The following CAMK2D variants were observed in gnomAD, a reference collection of about 807,000 sequenced individuals.
CAMK2D encodes the protein calcium/calmodulin-dependent protein kinase type II subunit delta.
Under a neutral mutation model 84.0 loss-of-function variants are expected in CAMK2D, and 37 were observed. That is an observed-to-expected ratio of 0.44 (90% CI 0.34 to 0.58). The LOEUF is 0.58. Ranked by LOEUF, CAMK2D falls within the 20% of genes least tolerant of loss-of-function variation. The pLI, the probability that CAMK2D is intolerant of heterozygous loss-of-function variation, is 0.02. For synonymous variants in CAMK2D, 202 were observed against 212.5 expected (o/e 0.95, Z 0.43); for missense variants, 448 against 652.5 (o/e 0.69, Z 3.41).
rs778353750 is a variant in CAMK2D at position 113,552,023 on chromosome 4, T to A, written c.341+8A>T. On this transcript the variant is annotated splice_region_variant and intron_variant, in intron 5 of 20. Transcript: ENST00000511664. Reference sequence around the variant, plus strand: ...AGTCTTGTATCTTGCCCAGGGCAAGTCACTTACCTGGCATCAGCTTCACTG... The same window carrying A: ...AGTCTTGTATCTTGCCCAGGGCAAGACACTTACCTGGCATCAGCTTCACTG... 11 of 1,490,744 alleles carry A rather than the reference T, an allele frequency of 7.4e-6. No individual in the cohort carries two copies. The highest frequency in any genetic ancestry group is 1.4e-5 in the African/African-American group (1 of 71,882). 92.3% of individuals were successfully genotyped at this position (1,490,744 alleles called of 1,614,324 possible). A position where few individuals can be genotyped will look rare whatever the true frequency, so the allele number is the denominator to read the frequency against.
intron 8 of CAMK2D, among the ~76,000 whole-genome samples, chr4:113,530,480 A>G (rs988825904): frequency 9.9e-5 from 15 of 152,168 alleles, no homozygotes; most frequent in Admixed American, 7.9e-4. Context: ...AGGGATGTTC[A>G]ACTTGTATTT....
chr4:113,540,060 A>C (rs896895167), intron 6 of CAMK2D, among the ~76,000 whole-genome samples: 1 of 152,148 alleles, frequency 6.6e-6, no homozygotes. Context: ...ATTAGTTTGA[A>C]TAATCCTCCT....
At position 113,580,984 on chromosome 4, in the gene CAMK2D, T is replaced by C. The variant is rs149204159; in HGVS notation, c.275+28168A>G. On this transcript the variant is annotated intron_variant, in intron 4 of 20. Transcript: ENST00000511664. ...CATGCTGGGCTTAATACCTAGGTGA[T>C]GGGTTGATAGGTGCAGCAAACCACT... 3.8e-3 allele frequency among the ~76,000 whole-genome samples: 585 copies of C among 151,988 alleles called. 1 individual carries two copies. Among genetic ancestry groups the C allele is most frequent in the African/African-American group, 0.013 (551 of 41,498 alleles).
chr4:113,629,975 G>C (rs1391710816), intron 3 of CAMK2D, among the ~76,000 whole-genome samples: 1 of 151,476 alleles, frequency 6.6e-6, no homozygotes, highest in Non-Finnish European at 1.5e-5. Flanking sequence ...ATTTAATTTA[G>C]CAGTATGATG....
intron 2 of CAMK2D, among the ~76,000 whole-genome samples, chr4:113,678,345 G>A (rs905378691): frequency 2.0e-5 from 3 of 152,036 alleles, no homozygotes; most frequent in Admixed American, 6.6e-5. Flanking sequence ...TGAAATCATC[G>A]TTCCCTAGGA....
At chr4:113,758,000 C>G (rs941516323) in intron 2 of CAMK2D, among the ~76,000 whole-genome samples, 5 of 152,118 alleles carry the variant, frequency 3.3e-5, no homozygotes, top group African/African-American at 1.2e-4. Flanking sequence ...ATGATACCCC[C>G]ACCACAGCCA....
chr4:113,475,498 T>C (rs2097597548), intron 16 of CAMK2D, among the ~76,000 whole-genome samples: 2 of 152,194 alleles, frequency 1.3e-5, no homozygotes, highest in Non-Finnish European at 2.9e-5. Context: ...AAAGGTATCT[T>C]CCCCCCATCT....
Position 113,453,720 on chromosome 4 carries a change from A to G in CAMK2D, c.*825T>C, listed in dbSNP as rs1329793683. On this transcript the variant is annotated 3_prime_UTR_variant, in exon 21 of 21. Transcript: ENST00000511664. ...AAAAGGAAAAGGGAAAAAAGTAAGA[A>G]AAGAATGGAACAAAAGAAAAATAAG... The G allele has an allele frequency of 6.6e-6, 1 of 152,530 alleles. No homozygotes were observed. The highest frequency in any genetic ancestry group is 1.5e-5 in the Non-Finnish European group (1 of 68,036). 9.4% of individuals were successfully genotyped at this position (152,530 alleles called of 1,614,324 possible).
intron 2 of CAMK2D, among the ~76,000 whole-genome samples, chr4:113,734,128 T>G (rs934207537): frequency 6.6e-6 from 1 of 152,176 alleles, no homozygotes; most frequent in Non-Finnish European, 1.5e-5. Flanking sequence ...GTAGTTGATG[T>G]GTTTTAGCTT....
intron 16 of CAMK2D, among the ~76,000 whole-genome samples, chr4:113,489,177 T>C (rs1169542764): frequency 1.3e-5 from 2 of 151,962 alleles, no homozygotes; most frequent in South Asian, 2.1e-4. Flanking sequence ...TTAGGGTACA[T>C]GTGCACATCG....
intron 16 of CAMK2D, among the ~76,000 whole-genome samples, chr4:113,479,080 T>C (rs1428496550): frequency 6.6e-6 from 1 of 152,180 alleles, no homozygotes; most frequent in African/African-American, 2.4e-5. Flanking sequence ...AAACAAATCA[T>C]AGGTCTTTCA....
At chr4:113,508,404 GA>G in intron 13 of CAMK2D, 1 of 656,322 alleles carries the variant, frequency 1.5e-6, no homozygotes, top group Non-Finnish European at 2.7e-6. Context: ...AAAAGTTCTG[GA>G]AATGCGTTCT....
At chr4:113,485,940 T>TCACCTGGTTAATAGTACCTTCCC (rs1223604994) in intron 16 of CAMK2D, among the ~76,000 whole-genome samples, 3 of 152,192 alleles carry the variant, frequency 2.0e-5, no homozygotes, top group Non-Finnish European at 4.4e-5. Context: ...CGCACCTTCT[T>TCACCTGGTTAATAGTACCTTCCC]CACCTGGTTA....
chr4:113,597,008 C>T (rs560408966), intron 4 of CAMK2D, among the ~76,000 whole-genome samples: 6 of 152,088 alleles, frequency 3.9e-5, no homozygotes, highest in African/African-American at 7.2e-5. Flanking sequence ...TTAGTAGAGA[C>T]GGGGTTTCAC....
At chr4:113,725,243 A>G (rs2099542468) in intron 2 of CAMK2D, among the ~76,000 whole-genome samples, 1 of 152,072 alleles carries the variant, frequency 6.6e-6, no homozygotes. Context: ...TATATATCTT[A>G]GCAATTAAGC....
At chr4:113,512,581 T>A (rs1002307389) in intron 12 of CAMK2D, among the ~76,000 whole-genome samples, 2 of 152,172 alleles carry the variant, frequency 1.3e-5, no homozygotes, top group East Asian at 3.9e-4. Flanking sequence ...CTTCCCTTTT[T>A]TTTGTTTTTT....
chr4:113,486,838 A>G (rs4833430), intron 16 of CAMK2D, among the ~76,000 whole-genome samples: 105,941 of 152,158 alleles, frequency 0.7, 38,100 homozygotes, highest in African/African-American at 0.88. Context: ...ATTGATTTAT[A>G]CTAGAATACA....
intron 3 of CAMK2D, among the ~76,000 whole-genome samples, chr4:113,618,121 G>A (rs2099029477): frequency 1.3e-5 from 2 of 152,038 alleles, no homozygotes; most frequent in African/African-American, 4.8e-5. Context: ...CTAATAAATA[G>A]TATAGGAAAT....
chr4:113,657,568 G>A (rs995031175), intron 3 of CAMK2D, among the ~76,000 whole-genome samples: 1 of 152,020 alleles, frequency 6.6e-6, no homozygotes, highest in African/African-American at 2.4e-5. Context: ...AATATTAAAA[G>A]TTGAGCCCTC....
Sources: allele counts gnomAD v4.1 joint callset (sites outside exome capture counted in the v4.1 genomes callset), GRCh38; gene constraint gnomAD v4.1.1; transcripts MANE v1.5; gene names NCBI Gene and HGNC (gene_info 2026-07-23, HGNC 2026-07-21).